Variants in COL23A1 observed in about 807,000 individuals in gnomAD.
The protein encoded by COL23A1 is collagen type XXIII alpha 1 chain.
COL23A1 carries 97 observed loss-of-function variants against 99.3 expected under a neutral mutation model. That is an observed-to-expected ratio of 0.98 (90% CI 0.83 to 1.16). COL23A1 has a LOEUF of 1.16. Among genes scored for constraint, COL23A1 ranks in the 50% most tolerant of loss-of-function variants. The pLI, the probability that COL23A1 is intolerant of heterozygous loss-of-function variation, is 0.00. For missense variants in COL23A1, 762 were observed against 757.4 expected (o/e 1.01, Z -0.07); for synonymous variants, 320 against 308.2 (o/e 1.04, Z -0.40).
At chr5:178,567,312 G>A (rs1318714551) in intron 1 of COL23A1, among the ~76,000 whole-genome samples, 3 of 152,226 alleles carry the variant, frequency 2.0e-5, no homozygotes, top group Non-Finnish European at 4.4e-5. Context: ...GGGCTTCTTG[G>A]AGAGATGAGA....
intron 6 of COL23A1, among the ~76,000 whole-genome samples, chr5:178,269,006 G>A (rs1289424503): frequency 1.3e-5 from 2 of 152,106 alleles, no homozygotes; most frequent in South Asian, 2.1e-4. Flanking sequence ...TGGCATCCTC[G>A]CAGCAGAGAA....
intron 2 of COL23A1, among the ~76,000 whole-genome samples, chr5:178,460,840 C>T (rs548745201): frequency 2.9e-4 from 44 of 152,292 alleles, no homozygotes; most frequent in African/African-American, 9.6e-4. Flanking sequence ...AAGCCCCAGA[C>T]CATGCTGCCC....
At chr5:178,285,363 T>C (rs564169997) in intron 5 of COL23A1, among the ~76,000 whole-genome samples, 1 of 152,192 alleles carries the variant, frequency 6.6e-6, no homozygotes, top group Non-Finnish European at 1.5e-5. Flanking sequence ...CTGAGGCTGG[T>C]CCTGAAGTTT....
At chr5:178,360,279 A>G (rs1237803736) in intron 2 of COL23A1, among the ~76,000 whole-genome samples, 1 of 152,170 alleles carries the variant, frequency 6.6e-6, no homozygotes, top group East Asian at 1.9e-4. Context: ...AATTTCACAG[A>G]AAGTAGAATA....
At chr5:178,531,583 C>G (rs536413054) in intron 2 of COL23A1, among the ~76,000 whole-genome samples, 1 of 152,192 alleles carries the variant, frequency 6.6e-6, no homozygotes, top group Non-Finnish European at 1.5e-5. Flanking sequence ...ATAATCCCCC[C>G]GTGTTTAAGT....
chr5:178,426,994 C>A (rs1463393991), intron 2 of COL23A1, among the ~76,000 whole-genome samples: 6 of 152,132 alleles, frequency 3.9e-5, no homozygotes, highest in Non-Finnish European at 7.4e-5. Flanking sequence ...GTTAGGAGTG[C>A]GAGACCAGCC....
chr5:178,284,900 A>C (rs1757076184), intron 5 of COL23A1, among the ~76,000 whole-genome samples: 1 of 152,256 alleles, frequency 6.6e-6, no homozygotes, highest in African/African-American at 2.4e-5. Context: ...GGATATAAGA[A>C]ATACTAGAAC....
At chr5:178,254,054 C>A (rs950599096) in intron 16 of COL23A1, among the ~76,000 whole-genome samples, 2 of 152,102 alleles carry the variant, frequency 1.3e-5, no homozygotes, top group Non-Finnish European at 2.9e-5. Flanking sequence ...GTCCCAGCTA[C>A]TTGGGAGGCT....
chr5:178,327,788 G>A (rs1337159137), intron 2 of COL23A1, among the ~76,000 whole-genome samples: 7 of 152,096 alleles, frequency 4.6e-5, no homozygotes, highest in African/African-American at 1.7e-4. Context: ...AAGGCCTCCT[G>A]GGTGTTCAGG....
At chr5:178,524,309 C>T (rs1043452201) in intron 2 of COL23A1, among the ~76,000 whole-genome samples, 3 of 152,166 alleles carry the variant, frequency 2.0e-5, no homozygotes, top group African/African-American at 7.2e-5. Context: ...ACATCCTGCC[C>T]GCTCTCCCCA....
chr5:178,357,804 GTGTA>G (rs1260620566), intron 2 of COL23A1, among the ~76,000 whole-genome samples: 85 of 149,504 alleles, frequency 5.7e-4, no homozygotes, highest in Admixed American at 3.3e-4. Flanking sequence ...GTATGTGTGT[GTGTA>G]TGTGTGTATG....
intron 2 of COL23A1, among the ~76,000 whole-genome samples, chr5:178,513,770 C>T (rs1260341326): frequency 1.3e-5 from 2 of 152,284 alleles, no homozygotes; most frequent in Middle Eastern, 3.4e-3. Context: ...CTGCTTAAGG[C>T]CCCTCCCTCC....
At chr5:178,485,940 G>T (rs534445618) in intron 2 of COL23A1, among the ~76,000 whole-genome samples, 24 of 152,310 alleles carry the variant, frequency 1.6e-4, no homozygotes, top group African/African-American at 5.5e-4. Flanking sequence ...GGGTGCCGGG[G>T]TGCTTTGCAG....
intron 2 of COL23A1, among the ~76,000 whole-genome samples, chr5:178,400,960 C>T (rs1764415938): frequency 6.6e-6 from 1 of 152,126 alleles, no homozygotes; most frequent in Non-Finnish European, 1.5e-5. Flanking sequence ...TTTAAATCAT[C>T]CCAAACAAAA....
chr5:178,361,470 T>TA (rs1333735375), intron 2 of COL23A1, among the ~76,000 whole-genome samples: 1 of 152,128 alleles, frequency 6.6e-6, no homozygotes, highest in Non-Finnish European at 1.5e-5. Context: ...CTGATGCTCT[T>TA]AGAGTCTCGC....
At chr5:178,367,460 T>C (rs1283928253) in intron 2 of COL23A1, among the ~76,000 whole-genome samples, 1 of 152,204 alleles carries the variant, frequency 6.6e-6, no homozygotes, top group Middle Eastern at 3.2e-3. Flanking sequence ...CCTGCACATT[T>C]ATACAGAGCT....
chr5:178,493,751 T>C (rs1758055923), intron 2 of COL23A1, among the ~76,000 whole-genome samples: 4 of 152,224 alleles, frequency 2.6e-5, no homozygotes, highest in Admixed American at 2.6e-4. Flanking sequence ...CGCAAAAGAT[T>C]ACAGGCCTTT....
At chr5:178,249,591 T>C (rs544684960) in intron 18 of COL23A1, among the ~76,000 whole-genome samples, 9 of 152,120 alleles carry the variant, frequency 5.9e-5, no homozygotes, top group African/African-American at 1.9e-4. Flanking sequence ...TTACATTATG[T>C]CCAGGATGAG....
chr5:178,588,328 A>G (rs187842282), intron 1 of COL23A1, among the ~76,000 whole-genome samples: 62 of 152,282 alleles, frequency 4.1e-4, no homozygotes, highest in African/African-American at 1.3e-3. Flanking sequence ...CCTAAAATAG[A>G]CACAATTTGT....
Sources: allele counts gnomAD v4.1 joint callset (sites outside exome capture counted in the v4.1 genomes callset), GRCh38; gene constraint gnomAD v4.1.1; transcripts MANE v1.5; gene names NCBI Gene and HGNC (gene_info 2026-07-23, HGNC 2026-07-21).